PGCKA1: variants seen among roughly 807,000 people sequenced by gnomAD.
PGCKA1 encodes PDCD10 and GCKIII kinases associated 1, also known as PDCD10 and GCKIII kinases-associated protein 1.
At chr4:37,530,146 T>A in the PGCKA1 span, among the ~76,000 whole-genome samples, 1 of 152,190 alleles carries the variant, frequency 6.6e-6, no homozygotes, top group Non-Finnish European at 1.5e-5. Context: ...GGCATCTGAG[T>A]CTTCCTAACT....
the PGCKA1 span, among the ~76,000 whole-genome samples, chr4:37,570,146 ATTTT>A: frequency 0.22 from 17,179 of 79,028 alleles, 702 homozygotes; most frequent in Middle Eastern, 0.28. Context: ...CGCCTGGCTA[ATTTT>A]TTTTTTTTTT....
the PGCKA1 span, among the ~76,000 whole-genome samples, chr4:37,504,114 A>C: frequency 3.3e-5 from 5 of 152,070 alleles, no homozygotes; most frequent in African/African-American, 7.2e-5. Context: ...TTTTGATTTG[A>C]TTTTTGTATA....
the PGCKA1 span, among the ~76,000 whole-genome samples, chr4:37,527,438 TG>T: frequency 6.6e-6 from 1 of 152,332 alleles, no homozygotes; most frequent in African/African-American, 2.4e-5. Flanking sequence ...GCTCCATTCA[TG>T]GTAAGTGCCC....
chr4:37,480,706 A>AG, the PGCKA1 span, among the ~76,000 whole-genome samples: 1 of 152,196 alleles, frequency 6.6e-6, no homozygotes, highest in East Asian at 1.9e-4. Flanking sequence ...TCCAGCCCAG[A>AG]GGTGGGTTAT....
the PGCKA1 span, among the ~76,000 whole-genome samples, chr4:37,584,621 G>A: frequency 3.9e-4 from 59 of 152,290 alleles, 1 homozygote; most frequent in South Asian, 0.012. Context: ...GGCAGTTTTC[G>A]AGTACGGCTG....
At chr4:37,457,407 A>G in the PGCKA1 span, among the ~76,000 whole-genome samples, 269 of 152,370 alleles carry the variant, frequency 1.8e-3, 8 homozygotes, top group East Asian at 0.046. Flanking sequence ...GAGGCTATAC[A>G]TAATGCCTGT....
the PGCKA1 span, among the ~76,000 whole-genome samples, chr4:37,532,231 G>C: frequency 2.0e-5 from 3 of 152,164 alleles, no homozygotes; most frequent in Non-Finnish European, 2.9e-5. Flanking sequence ...TAAGTCTACA[G>C]CTGCTACATG....
the PGCKA1 span, among the ~76,000 whole-genome samples, chr4:37,454,940 T>C: frequency 3.9e-5 from 6 of 152,196 alleles, no homozygotes; most frequent in East Asian, 9.6e-4. Flanking sequence ...TAGAGAAAGT[T>C]TGTGCTCCAG....
the PGCKA1 span, among the ~76,000 whole-genome samples, chr4:37,504,878 G>T: frequency 4.9e-4 from 74 of 152,204 alleles, no homozygotes; most frequent in African/African-American, 1.6e-3. Context: ...AGGATAATTT[G>T]ACTTCTTCCT....
At chr4:37,535,292 C>T in the PGCKA1 span, among the ~76,000 whole-genome samples, 74 of 152,250 alleles carry the variant, frequency 4.9e-4, no homozygotes, top group African/African-American at 1.4e-3. Context: ...TCGGCCAAGG[C>T]GGGAGGATTG....
the PGCKA1 span, among the ~76,000 whole-genome samples, chr4:37,526,675 A>T: frequency 2.8e-4 from 43 of 152,096 alleles, no homozygotes; most frequent in Non-Finnish European, 5.7e-4. Context: ...ATAGCACACC[A>T]CCTTACTCAC....
At chr4:37,468,797 GTTTTC>G in the PGCKA1 span, among the ~76,000 whole-genome samples, 1 of 152,048 alleles carries the variant, frequency 6.6e-6, no homozygotes, top group Admixed American at 6.6e-5. Context: ...TTTCAAACCA[GTTTTC>G]TTTTCCAATA....
the PGCKA1 span, among the ~76,000 whole-genome samples, chr4:37,511,272 G>A: frequency 6.6e-6 from 1 of 152,062 alleles, no homozygotes; most frequent in Admixed American, 6.5e-5. Flanking sequence ...AGTGGAAGGA[G>A]TCTCTCCCCA....
chr4:37,494,727 T>G, the PGCKA1 span, among the ~76,000 whole-genome samples: 2 of 152,214 alleles, frequency 1.3e-5, no homozygotes, highest in Non-Finnish European at 2.9e-5. Context: ...GCTGAACTAA[T>G]TTACACTCCT....
At chr4:37,578,170 T>C in the PGCKA1 span, among the ~76,000 whole-genome samples, 1 of 152,220 alleles carries the variant, frequency 6.6e-6, no homozygotes, top group Non-Finnish European at 1.5e-5. Flanking sequence ...TATTGTTGTA[T>C]TGGGGTCTAT....
chr4:37,579,652 G>A, the PGCKA1 span, among the ~76,000 whole-genome samples: 1 of 152,302 alleles, frequency 6.6e-6, no homozygotes, highest in Admixed American at 6.5e-5. Context: ...AGATGTATTG[G>A]AGCTTCATTG....
the PGCKA1 span, chr4:37,591,755 C>T: frequency 2.6e-5 from 4 of 152,264 alleles, no homozygotes; most frequent in South Asian, 4.1e-4. Flanking sequence ...TCATGACATT[C>T]GGAACAGCAA....
the PGCKA1 span, among the ~76,000 whole-genome samples, chr4:37,526,582 T>G: frequency 6.6e-6 from 1 of 152,330 alleles, no homozygotes; most frequent in East Asian, 1.9e-4. Context: ...TAACGATGTT[T>G]TGGTCAGCTA....
At chr4:37,591,628 T>C in the PGCKA1 span, 1 of 152,208 alleles carries the variant, frequency 6.6e-6, no homozygotes, top group African/African-American at 2.4e-5. Flanking sequence ...GAGATGTTGA[T>C]TTTAAAACAC....
Sources: allele counts gnomAD v4.1 joint callset (sites outside exome capture counted in the v4.1 genomes callset), GRCh38; gene constraint gnomAD v4.1.1; transcripts MANE v1.5; gene names NCBI Gene and HGNC (gene_info 2026-07-23, HGNC 2026-07-21).